SNX29: variants seen among roughly 807,000 people sequenced by gnomAD.
SNX29 encodes sorting nexin-29.
SNX29 carries 78 observed loss-of-function variants against 102.1 expected under a neutral mutation model. That is an observed-to-expected ratio of 0.76 (90% CI 0.64 to 0.92). The LOEUF (loss-of-function observed/expected upper bound fraction) is 0.92, where lower values mean the gene tolerates loss of function less well. SNX29 is among the 40% of genes least tolerant of loss of function. The pLI, the probability that SNX29 is intolerant of heterozygous loss-of-function variation, is 0.00. For missense variants in SNX29, 1,280 were observed against 1,061.7 expected (o/e 1.21, Z -2.86); for synonymous variants, 580 against 414.5 (o/e 1.40, Z -4.85).
chr16:12,213,820 C>G (rs879404377), intron 14 of SNX29, among the ~76,000 whole-genome samples: 4 of 152,186 alleles, frequency 2.6e-5, no homozygotes, highest in African/African-American at 7.2e-5. Context: ...GTGGCCACCC[C>G]AAATTGCAAG....
At chr16:12,403,192 T>TTGTGTGTGTG (rs1321237155) in intron 17 of SNX29, among the ~76,000 whole-genome samples, 4 of 129,640 alleles carry the variant, frequency 3.1e-5, no homozygotes, top group Admixed American at 7.7e-5. Flanking sequence ...GGAGTACAGA[T>TTGTGTGTGTG]TGTGTGTGTA....
intron 19 of SNX29, among the ~76,000 whole-genome samples, chr16:12,524,340 C>T (rs2090213853): frequency 6.6e-6 from 1 of 151,828 alleles, no homozygotes; most frequent in Non-Finnish European, 1.5e-5. Flanking sequence ...ATTTGTGTCT[C>T]CCTCGCTGGC....
chr16:12,359,639 C>T (rs77899002), intron 16 of SNX29, among the ~76,000 whole-genome samples: 5,070 of 152,268 alleles, frequency 0.033, 119 homozygotes, highest in Middle Eastern at 0.078. Context: ...AAACCCATGT[C>T]CCTATCACTC....
At chr16:12,166,668 C>G (rs566020533) in intron 13 of SNX29, among the ~76,000 whole-genome samples, 1 of 152,098 alleles carries the variant, frequency 6.6e-6, no homozygotes, top group South Asian at 2.1e-4. Context: ...CTGGAAAACC[C>G]AAAGATCCCG....
At chr16:12,048,729 G>A in intron 7 of SNX29, 109 bp downstream of exon 7, 11 of 1,564,972 alleles carry the variant, frequency 7.0e-6, no homozygotes, top group Non-Finnish European at 9.7e-6. Context: ...GGAGTCCAGT[G>A]CACTTGCGTT....
At chr16:12,087,425 CAG>C (rs2052258460) in intron 11 of SNX29, 1 of 184,774 alleles carries the variant, frequency 5.4e-6, no homozygotes, top group Non-Finnish European at 1.2e-5. Flanking sequence ...TCAAAATAAA[CAG>C]ATTAATAAAG....
intron 18 of SNX29, among the ~76,000 whole-genome samples, chr16:12,424,735 C>T (rs919663210): frequency 1.3e-5 from 2 of 152,264 alleles, no homozygotes; most frequent in African/African-American, 4.8e-5. Context: ...ATACCTGTAA[C>T]AGACAGTATC....
intron 20 of SNX29, among the ~76,000 whole-genome samples, chr16:12,553,001 C>G (rs562547887): frequency 8.5e-5 from 13 of 152,224 alleles, no homozygotes; most frequent in Non-Finnish European, 1.8e-4. Context: ...GGGCTGAAAT[C>G]AGGAGAGTGG....
At chr16:12,189,771 C>T (rs903121931) in intron 13 of SNX29, among the ~76,000 whole-genome samples, 1 of 151,806 alleles carries the variant, frequency 6.6e-6, no homozygotes, top group African/African-American at 2.4e-5. Flanking sequence ...TTTTGATGCC[C>T]GGATCGTCTC....
intron 17 of SNX29, among the ~76,000 whole-genome samples, chr16:12,402,924 A>C (rs2084005086): frequency 6.6e-6 from 1 of 151,896 alleles, no homozygotes; most frequent in African/African-American, 2.4e-5. Flanking sequence ...TGTTGCCATG[A>C]GTGTTGGTCT....
intron 10 of SNX29, among the ~76,000 whole-genome samples, chr16:12,069,389 C>T (rs1348517218): frequency 1.3e-5 from 2 of 151,752 alleles, no homozygotes; most frequent in African/African-American, 4.8e-5. Context: ...CCTGAGCCTC[C>T]CAAGTAGTTG....
intron 11 of SNX29, among the ~76,000 whole-genome samples, chr16:12,120,712 G>C (rs548299140): frequency 1.3e-5 from 2 of 152,320 alleles, no homozygotes; most frequent in South Asian, 4.1e-4. Context: ...GCTGGTCCCT[G>C]CTCCACTGTT....
chr16:12,454,894 C>T, intron 18 of SNX29, among the ~76,000 whole-genome samples: 1 of 152,032 alleles, frequency 6.6e-6, no homozygotes, highest in South Asian at 2.1e-4. Flanking sequence ...TATAGGCATG[C>T]ACCACCATGC....
chr16:12,461,812 C>G (rs999221907), intron 18 of SNX29, among the ~76,000 whole-genome samples: 5 of 150,228 alleles, frequency 3.3e-5, no homozygotes, highest in African/African-American at 4.9e-5. Flanking sequence ...CAAAATTAGC[C>G]GGGCATGGTG....
intron 11 of SNX29, among the ~76,000 whole-genome samples, chr16:12,089,101 AAG>A (rs1422469139): frequency 6.8e-6 from 1 of 147,926 alleles, no homozygotes; most frequent in African/African-American, 2.5e-5. Flanking sequence ...GAAAGAAAGA[AAG>A]AGAGGAGAGA....
intron 20 of SNX29, chr16:12,557,505 G>T (rs939893076): frequency 6.6e-6 from 1 of 152,094 alleles, no homozygotes; most frequent in African/African-American, 2.4e-5. Flanking sequence ...GGGATTACAG[G>T]AACACACCAC....
intron 18 of SNX29, among the ~76,000 whole-genome samples, chr16:12,469,594 G>T (rs902591082): frequency 6.6e-6 from 1 of 152,228 alleles, no homozygotes; most frequent in Non-Finnish European, 1.5e-5. Flanking sequence ...AGGTGGAAAA[G>T]ATGTGGTATA....
chr16:12,007,625 GC>G (rs1217341310), intron 3 of SNX29, among the ~76,000 whole-genome samples: 1 of 152,130 alleles, frequency 6.6e-6, no homozygotes, highest in East Asian at 1.9e-4. Context: ...CTGATAGCTG[GC>G]CCGGCCCTGG....
chr16:12,335,959 C>T (rs2081434527), intron 15 of SNX29, among the ~76,000 whole-genome samples: 1 of 151,948 alleles, frequency 6.6e-6, no homozygotes, highest in African/African-American at 2.4e-5. Context: ...CTACCCTCTC[C>T]TGCTTCCTGT....
Sources: allele counts gnomAD v4.1 joint callset (sites outside exome capture counted in the v4.1 genomes callset), GRCh38; gene constraint gnomAD v4.1.1; transcripts MANE v1.5; gene names NCBI Gene and HGNC (gene_info 2026-07-23, HGNC 2026-07-21).